FRAS1: variants seen among roughly 807,000 people sequenced by gnomAD.
FRAS1 encodes extracellular matrix organizing protein FRAS1.
In FRAS1, 290 loss-of-function variants were observed where a neutral mutation model predicts 435.2. The observed-to-expected ratio is 0.67, with a 90% confidence interval of 0.61 to 0.73. FRAS1 has a LOEUF of 0.73. FRAS1 is among the 30% of genes least tolerant of loss of function. The pLI, the probability that FRAS1 is intolerant of heterozygous loss-of-function variation, is 0.00. For missense variants in FRAS1, 4,860 were observed against 5,001.5 expected, an observed-to-expected ratio of 0.97 and a Z score of 0.85; for synonymous variants, 1,800 against 1,851.0, an observed-to-expected ratio of 0.97 and a Z score of 0.71.
In FRAS1 at chr4:78,369,873, G is replaced by T; in HGVS notation, c.2758G>T (p.Ala920Ser). The stretch of plus-strand genomic sequence containing the variant: ...ACACTGTGGAAGCTGTGATTCACAG[G>T]CCAGCTGTACCTCCTGCCGAGATCC... ...NTHCGSCDSQ[A>S]SCTSCRDPNK... The change falls in exon 23 of 74, where the codon GCC (alanine) becomes TCC (serine). Residue 920 changes from alanine (A) to serine (S), a missense_variant. Coordinates refer to ENST00000512123, the MANE Select transcript of FRAS1 (RefSeq NM_025074.7). The T allele has an allele frequency of 6.2e-7, 1 of 1,613,160 alleles. No individual in the cohort carries two copies. Among genetic ancestry groups the T allele is most frequent in the Non-Finnish European group, 8.5e-7 (1 of 1,179,550 alleles).
chr4:78,464,392 T>C (rs1484667520), intron 48 of FRAS1, 51 bp from the exon 49 acceptor site: 4 of 1,607,524 alleles, frequency 2.5e-6, no homozygotes, highest in Non-Finnish European at 2.6e-6. Flanking sequence ...TTGGACTTGT[T>C]GGGTAGGTGC....
chr4:78,330,139 A>ATTTATTAG (rs1729886949), intron 18 of FRAS1, among the ~76,000 whole-genome samples: 1 of 152,210 alleles, frequency 6.6e-6, no homozygotes, highest in Non-Finnish European at 1.5e-5. Flanking sequence ...TTTCATGGAC[A>ATTTATTAG]TTTATTAGTT....
chr4:78,329,951 C>T (rs1275673753), intron 18 of FRAS1, among the ~76,000 whole-genome samples: 1 of 152,104 alleles, frequency 6.6e-6, no homozygotes, highest in Non-Finnish European at 1.5e-5. Flanking sequence ...GTTTAATCAG[C>T]TTGTTTTTAG....
rs954031584 is a variant in FRAS1 at position 78,238,438 on chromosome 4, A to G, written c.216+821A>G. Among the ~76,000 whole-genome samples the G allele has an allele frequency of 2.6e-5, 4 of 151,792 alleles. No homozygotes were observed. In the South Asian group the frequency reaches 8.4e-4, roughly 32 times the overall value. On this transcript the variant is annotated intron_variant, in intron 3 of 73. Coordinates refer to ENST00000512123, the MANE Select transcript of FRAS1 (RefSeq NM_025074.7). ...ATTCATAAAGCATTCTGTCAATTTA[A>G]AAAGTTTATTTTTCTAGTTTTTGGC... is the stretch of plus-strand genomic sequence containing the variant.
At position 78,539,451 on chromosome 4, in the gene FRAS1, T is replaced by C. The variant is rs769174166; in HGVS notation, c.11445+11T>C. 94 of 1,587,636 alleles carry C rather than the reference T, an allele frequency of 5.9e-5. No individual in the cohort carries two copies. Among genetic ancestry groups the C allele is most frequent in the Non-Finnish European group, 8.0e-5 (94 of 1,170,784 alleles). On this transcript the variant is annotated intron_variant, in intron 73 of 73. Coordinates refer to ENST00000512123, the MANE Select transcript of FRAS1 (RefSeq NM_025074.7). Reference sequence around the variant, plus strand: ...GATGCACTCTATAAGGTGAGTTTGGTGAGAAGAACAGAAGCTTAAGACCAA... The same window carrying C: ...GATGCACTCTATAAGGTGAGTTTGGCGAGAAGAACAGAAGCTTAAGACCAA...
intron 14 of FRAS1, among the ~76,000 whole-genome samples, chr4:78,305,737 A>T (rs1426851245): frequency 1.3e-5 from 2 of 151,800 alleles, no homozygotes; most frequent in Non-Finnish European, 1.5e-5. Context: ...CTATCCTTTT[A>T]TATTGAGCCT....
intron 54 of FRAS1, among the ~76,000 whole-genome samples, chr4:78,476,200 C>T (rs562855771): frequency 1.3e-5 from 2 of 152,246 alleles, no homozygotes; most frequent in East Asian, 3.9e-4. Context: ...CGTGACTTTG[C>T]TTTGGCTATG....
chr4:78,233,817 C>T (rs566906309), intron 2 of FRAS1, among the ~76,000 whole-genome samples: 1 of 152,254 alleles, frequency 6.6e-6, no homozygotes, highest in Non-Finnish European at 1.5e-5. Context: ...GGTCTCCTAA[C>T]AACTCTGTGA....
intron 27 of FRAS1, among the ~76,000 whole-genome samples, chr4:78,381,130 A>G (rs1259476131): frequency 2.0e-5 from 3 of 152,150 alleles, no homozygotes; most frequent in Non-Finnish European, 2.9e-5. Flanking sequence ...TTTAGCCACA[A>G]TGATTTCTGC....
chr4:78,206,700 G>A (rs1311433677), intron 2 of FRAS1, among the ~76,000 whole-genome samples: 3 of 152,100 alleles, frequency 2.0e-5, no homozygotes, highest in Non-Finnish European at 4.4e-5. Flanking sequence ...GTTTTAAGAG[G>A]AATGGCTGGG....
intron 30 of FRAS1, among the ~76,000 whole-genome samples, chr4:78,406,842 A>G (rs1038197191): frequency 6.6e-6 from 1 of 152,174 alleles, no homozygotes; most frequent in Non-Finnish European, 1.5e-5. Context: ...ACTGTTAGCT[A>G]TTACAAGTTG....
In FRAS1 at chr4:78,467,150, T is replaced by C. The variant is rs1368944305; in HGVS notation, c.7257+715T>C. 8.5e-5 allele frequency among the ~76,000 whole-genome samples: 13 copies of C among 152,344 alleles called. No homozygotes were observed. The East Asian group carries it at 1.2e-3, about 14-fold the overall frequency. On this transcript the variant is annotated intron_variant, in intron 50 of 73. Coordinates refer to ENST00000512123, the MANE Select transcript of FRAS1 (RefSeq NM_025074.7). The stretch of plus-strand genomic sequence containing the variant: ...AATTATTTTTGACATTAGTCATCTG[T>C]CATGCTAGCAAAAACTATGCCTTAT...
rs1722123883 is a variant in FRAS1 at position 78,543,643 on chromosome 4, A to G, written c.*2519A>G. The G allele has an allele frequency of 6.6e-6, 1 of 152,236 alleles. No homozygotes were observed. Among genetic ancestry groups the G allele is most frequent in the South Asian group, 2.1e-4 (1 of 4,838 alleles). The allele number at this position is 152,236 out of a possible 1,614,324, so 9.4% of individuals were successfully genotyped here. ...TTGAATGCCAGTACTTCTCTAGTGG[A>G]TGCACACTTGTTAAATAGTGTTAAG... is the stretch of plus-strand genomic sequence containing the variant. On this transcript the variant is annotated 3_prime_UTR_variant, in exon 74 of 74. Coordinates refer to ENST00000512123, the MANE Select transcript of FRAS1 (RefSeq NM_025074.7).
chr4:78,116,601 T>G (rs543947918), intron 2 of FRAS1, among the ~76,000 whole-genome samples: 39 of 152,326 alleles, frequency 2.6e-4, no homozygotes, highest in African/African-American at 8.9e-4. Context: ...TCTTTGTCTC[T>G]TTTGATCTTT....
At chr4:78,373,779 A>G (rs1731608038) in intron 24 of FRAS1, among the ~76,000 whole-genome samples, 1 of 152,036 alleles carries the variant, frequency 6.6e-6, no homozygotes, top group Admixed American at 6.6e-5. Context: ...GTCTTAAATA[A>G]TAATAATAAT....
At chr4:78,385,507 A>G (rs1001471259) in intron 28 of FRAS1, among the ~76,000 whole-genome samples, 2 of 152,182 alleles carry the variant, frequency 1.3e-5, no homozygotes, top group Non-Finnish European at 2.9e-5. Context: ...CACATCAGGG[A>G]TAAATTGGAG....
intron 2 of FRAS1, among the ~76,000 whole-genome samples, chr4:78,153,349 G>A (rs1720754389): frequency 6.6e-6 from 1 of 152,026 alleles, no homozygotes; most frequent in Non-Finnish European, 1.5e-5. Context: ...AATATGGTGG[G>A]GTGGTAAAAA....
intron 29 of FRAS1, among the ~76,000 whole-genome samples, chr4:78,388,619 G>A (rs1484350): frequency 0.052 from 7,741 of 149,494 alleles, 637 homozygotes; most frequent in African/African-American, 0.18. Flanking sequence ...GCAACGTGGA[G>A]AAATCTTGTC....
chr4:78,326,078 C>T (rs1346042462), intron 18 of FRAS1, among the ~76,000 whole-genome samples: 1 of 152,092 alleles, frequency 6.6e-6, no homozygotes, highest in African/African-American at 2.4e-5. Context: ...GTTTAGAGTT[C>T]ACACTGTTGT....
Sources: allele counts gnomAD v4.1 joint callset (sites outside exome capture counted in the v4.1 genomes callset), GRCh38; gene constraint gnomAD v4.1.1; transcripts MANE v1.5; gene names NCBI Gene and HGNC (gene_info 2026-07-23, HGNC 2026-07-21).